PCSK5: variants seen among roughly 807,000 people sequenced by gnomAD.
PCSK5 encodes prohormone convertase 5.
In PCSK5, 129 loss-of-function variants were observed where a neutral mutation model predicts 233.2. That is an observed-to-expected ratio of 0.55 (90% confidence interval 0.48 to 0.64). The LOEUF (loss-of-function observed/expected upper bound fraction) is 0.64. PCSK5 is among the 30% of genes least tolerant of loss of function. The pLI is 0.00. For synonymous variants in PCSK5, 825 were observed against 879.2 expected (o/e 0.94, Z 1.09); for missense variants, 2,076 against 2,430.1 (o/e 0.85, Z 3.06).
At chr9:76,060,503 G>A (rs1016061225) in intron 5 of PCSK5, among the ~76,000 whole-genome samples, 1 of 152,096 alleles carries the variant, frequency 6.6e-6, no homozygotes, top group African/African-American at 2.4e-5. Flanking sequence ...TCTCAGGGGT[G>A]GGAAGGGTGG....
intron 7 of PCSK5, among the ~76,000 whole-genome samples, chr9:76,087,470 A>G (rs1831111445): frequency 1.3e-5 from 2 of 152,218 alleles, no homozygotes; most frequent in South Asian, 4.1e-4. Flanking sequence ...AACTGACCTG[A>G]AGTCCCTAAA....
At chr9:76,281,323 G>A (rs1186284014) in intron 24 of PCSK5, among the ~76,000 whole-genome samples, 1 of 152,190 alleles carries the variant, frequency 6.6e-6, no homozygotes, top group Non-Finnish European at 1.5e-5. Flanking sequence ...TAATGCAGCT[G>A]GTGACTTTAA....
At chr9:76,019,083 T>C (rs1828073818) in intron 3 of PCSK5, among the ~76,000 whole-genome samples, 1 of 152,198 alleles carries the variant, frequency 6.6e-6, no homozygotes, top group Admixed American at 6.5e-5. Flanking sequence ...GAAGGTTACC[T>C]AGGCTGATTA....
At chr9:76,059,977 T>C (rs1829967513) in intron 5 of PCSK5, among the ~76,000 whole-genome samples, 1 of 152,104 alleles carries the variant, frequency 6.6e-6, no homozygotes, top group South Asian at 2.1e-4. Flanking sequence ...TTAAGAAAAG[T>C]AAAAAGTTAT....
chr9:76,095,515 T>A (rs978821343), intron 7 of PCSK5, among the ~76,000 whole-genome samples: 13 of 151,904 alleles, frequency 8.6e-5, no homozygotes, highest in Non-Finnish European at 1.5e-4. Flanking sequence ...AACTTCCTTT[T>A]AAAAAAAAAT....
intron 24 of PCSK5, among the ~76,000 whole-genome samples, chr9:76,253,151 T>G (rs1284216233): frequency 1.3e-5 from 2 of 152,134 alleles, no homozygotes; most frequent in Non-Finnish European, 2.9e-5. Flanking sequence ...CATCATCCAC[T>G]GTGTAGCCAA....
At chr9:75,977,734 C>T (rs1019912638) in intron 2 of PCSK5, among the ~76,000 whole-genome samples, 1 of 151,684 alleles carries the variant, frequency 6.6e-6, no homozygotes, top group African/African-American at 2.4e-5. Context: ...CCTCATCCCC[C>T]CAAGTAGCTG....
intron 14 of PCSK5, among the ~76,000 whole-genome samples, chr9:76,175,899 G>A (rs996908135): frequency 1.3e-5 from 2 of 152,130 alleles, no homozygotes; most frequent in African/African-American, 4.8e-5. Context: ...TCGAAGTACA[G>A]TAATCCTCTT....
intron 2 of PCSK5, among the ~76,000 whole-genome samples, chr9:75,962,484 G>T (rs1825397350): frequency 6.6e-6 from 1 of 152,170 alleles, no homozygotes; most frequent in Non-Finnish European, 1.5e-5. Flanking sequence ...GCGGTAGAGT[G>T]GCTCTTTCAT....
intron 1 of PCSK5, among the ~76,000 whole-genome samples, chr9:75,906,949 C>G (rs556996178): frequency 6.6e-6 from 1 of 152,304 alleles, no homozygotes; most frequent in African/African-American, 2.4e-5. Flanking sequence ...TCACCTGATC[C>G]ATTGCTCTTC....
intron 9 of PCSK5, among the ~76,000 whole-genome samples, chr9:76,116,744 G>A (rs1274384482): frequency 2.0e-5 from 3 of 152,116 alleles, no homozygotes; most frequent in African/African-American, 7.2e-5. Flanking sequence ...GGAAAATGAG[G>A]GTTAGGAATT....
At chr9:75,961,956 G>A (rs550343272) in intron 2 of PCSK5, among the ~76,000 whole-genome samples, 7 of 152,302 alleles carry the variant, frequency 4.6e-5, no homozygotes, top group Non-Finnish European at 7.3e-5. Context: ...TATCCCCGGC[G>A]CTGTGCTCAC....
intron 5 of PCSK5, 55 bp downstream of exon 5, chr9:76,027,092 T>C (rs1022070300): frequency 1.0e-5 from 11 of 1,095,280 alleles, no homozygotes; most frequent in Non-Finnish European, 1.2e-5. Flanking sequence ...CTTTGTTTTC[T>C]GCTCATACTG....
At chr9:75,908,151 T>C (rs564492485) in intron 1 of PCSK5, among the ~76,000 whole-genome samples, 1 of 152,330 alleles carries the variant, frequency 6.6e-6, no homozygotes, top group African/African-American at 2.4e-5. Flanking sequence ...GTTAACTCCC[T>C]TTAATGATAA....
At chr9:76,129,005 C>A (rs910824516) in intron 9 of PCSK5, among the ~76,000 whole-genome samples, 6 of 152,164 alleles carry the variant, frequency 3.9e-5, no homozygotes, top group African/African-American at 1.2e-4. Flanking sequence ...CTCTTCATTA[C>A]CTAACAAAAG....
In PCSK5 at chr9:76,272,773, C is replaced by CA. The variant is rs71372058; in HGVS notation, c.3143-19431dup. ...CTGGTGACAGAGTGAGACTCCATCT[C>CA]AAAAAAAAAAAAAAAAAAAAAAAAA... On this transcript the variant is annotated intron_variant, in intron 24 of 37. Transcript: ENST00000674117. Among the ~76,000 whole-genome samples the CA allele has an allele frequency of 3.7e-3, 187 of 49,968 alleles. 16 individuals carry two copies. The highest frequency in any genetic ancestry group is 6.6e-3 in the African/African-American group (104 of 15,872). The allele number at this position is 49,968 out of a possible 152,430, so 32.8% of individuals were successfully genotyped here.
chr9:76,172,814 G>A (rs2131189123), intron 13 of PCSK5, among the ~76,000 whole-genome samples: 1 of 152,230 alleles, frequency 6.6e-6, no homozygotes, highest in Middle Eastern at 3.4e-3. Context: ...TTAGAATTCT[G>A]GGCCTGAATA....
At chr9:75,943,788 T>G (rs1199885789) in intron 2 of PCSK5, among the ~76,000 whole-genome samples, 1 of 152,196 alleles carries the variant, frequency 6.6e-6, no homozygotes, top group African/African-American at 2.4e-5. Flanking sequence ...AAGTGTAGGT[T>G]AAATCCTTAT....
chr9:76,133,724 G>T (rs1414085596), intron 9 of PCSK5, among the ~76,000 whole-genome samples: 1 of 152,028 alleles, frequency 6.6e-6, no homozygotes, highest in Non-Finnish European at 1.5e-5. Flanking sequence ...CGTTTCAGAG[G>T]CCTTCTGTTT....
Sources: gnomAD v4.1 joint callset for allele counts (sites outside exome capture counted in the v4.1 genomes callset) on GRCh38, gnomAD v4.1.1 for gene constraint, MANE v1.5 for transcripts, NCBI Gene and HGNC (gene_info 2026-07-23, HGNC 2026-07-21) for gene names.